The following HGS variants were observed in gnomAD, a reference collection of about 807,000 sequenced individuals.
HGS encodes human growth factor-regulated tyrosine kinase substrate.
Under a neutral mutation model 109.7 loss-of-function variants are expected in HGS, and 63 were observed. The ratio of observed to expected loss-of-function variants is 0.57; its 90% confidence interval spans 0.47 to 0.71. The LOEUF (loss-of-function observed/expected upper bound fraction) is 0.71. HGS is among the 30% of genes least tolerant of loss of function. The pLI, the probability that HGS is intolerant of heterozygous loss-of-function variation, is 0.00. For synonymous variants in HGS, 546 were observed against 437.3 expected (o/e 1.25, Z -3.10); for missense variants, 995 against 1,068.3 (o/e 0.93, Z 0.96).
chr17:81,686,817 A>T (rs898258882), intron 3 of HGS, among the ~76,000 whole-genome samples, 186 bp from the exon 4 acceptor site: 1 of 149,728 alleles, frequency 6.7e-6, no homozygotes, highest in South Asian at 2.1e-4. Flanking sequence ...CTGCTGTCCC[A>T]CCGGGTTCCC....
rs1007966477 is a variant in HGS, at chr17:81,691,326, G to A, written c.538-121G>A. 1.6e-6 allele frequency: 2 copies of A among 1,242,932 alleles called. No individual in the cohort carries two copies. The highest frequency in any genetic ancestry group is 2.3e-6 in the Non-Finnish European group (2 of 871,600). 77.0% of individuals were successfully genotyped at this position (1,242,932 alleles called of 1,614,324 possible). ...GTCTTCCCAGGCACTTGTTCTGCTT[G>A]TCCCTTGCCTTCCCCCACCTGTGAG... On this transcript the variant is annotated intron_variant, in intron 7 of 21. Transcript: ENST00000329138. This position sits in a 1 kb window ranked among gnomAD's most constrained non-coding sequence, Gnocchi z 5.3.
rs1301110908 is a variant in HGS at position 81,685,706 on chromosome 17, T to C, written c.122+17T>C. Reference sequence around the variant, plus strand: ...GGACACACAGTGAGTTAGCGGGGCCTGTGCCCTGATGCGGAGGAGCAGCCG... The same window carrying C: ...GGACACACAGTGAGTTAGCGGGGCCCGTGCCCTGATGCGGAGGAGCAGCCG... On this transcript the variant is annotated intron_variant, in intron 2 of 21. Coordinates refer to ENST00000329138, the MANE Select transcript of HGS (RefSeq NM_004712.5). 5 of 1,599,150 alleles carry C rather than the reference T, an allele frequency of 3.1e-6. No homozygotes were observed. In the South Asian group the frequency reaches 3.3e-5, roughly 11 times the overall value.
At chr17:81,686,596 T>G (rs542037499) in intron 3 of HGS, among the ~76,000 whole-genome samples, 1 of 151,460 alleles carries the variant, frequency 6.6e-6, no homozygotes, top group African/African-American at 2.4e-5. Context: ...GGGGAGGGAG[T>G]GGGCACCACT....
At chr17:81,688,999 C>T (rs1233593350) in intron 5 of HGS, among the ~76,000 whole-genome samples, 172 bp downstream of exon 5, 1 of 152,240 alleles carries the variant, frequency 6.6e-6, no homozygotes, top group Non-Finnish European at 1.5e-5. Context: ...CGGGTTCAGA[C>T]CGGCTCCTGC....
chr17:81,693,623 G>A lies in HGS; in HGVS notation c.742-31G>A, dbSNP rs774297225. On this transcript the variant is annotated intron_variant, in intron 9 of 21. Coordinates refer to ENST00000329138, the MANE Select transcript of HGS (RefSeq NM_004712.5). Reference sequence around the variant, plus strand: ...GTCCCGTGGGCACCTCTTCCCCGGCGCCCCCCCTCACCCTCCCCGCTTGTC... The same window carrying A: ...GTCCCGTGGGCACCTCTTCCCCGGCACCCCCCCTCACCCTCCCCGCTTGTC... The A allele has an allele frequency of 1.2e-4, 179 of 1,536,430 alleles. No homozygotes were observed. In the Middle Eastern group the frequency reaches 1.3e-3, roughly 11 times the overall value.
At position 81,688,779 on chromosome 17, in the gene HGS, C is replaced by T. The variant is rs1156766861; in HGVS notation, c.367C>T (p.Pro123Ser). The change falls in exon 5 of 22, where the codon CCC becomes TCC. Residue 123 changes from proline to serine, a missense_variant. Coordinates refer to ENST00000329138, the MANE Select transcript of HGS (RefSeq NM_004712.5). ...QAWAHAFRNE[P>S]KYKVVQDTYQ... ...CTGGGCGCATGCCTTCCGGAACGAGCCCAAGTACAAGGTGGTCCAGGACAC... is the reference window on the plus strand; with the variant it reads ...CTGGGCGCATGCCTTCCGGAACGAGTCCAAGTACAAGGTGGTCCAGGACAC... The T allele has an allele frequency of 1.2e-6, 2 of 1,614,060 alleles. No individual in the cohort carries two copies. Among genetic ancestry groups the T allele is most frequent in the Non-Finnish European group, 1.7e-6 (2 of 1,180,032 alleles).
chr17:81,689,896 C>CTCT lies in HGS; in HGVS notation c.416-286_416-285insTCT, dbSNP rs201568564. 8.8e-3 allele frequency among the ~76,000 whole-genome samples: 1,341 copies of CTCT among 152,298 alleles called. 13 individuals carry two copies. The highest frequency in any genetic ancestry group is 0.031 in the African/African-American group (1,278 of 41,552). On this transcript the variant is annotated intron_variant, in intron 5 of 21. Transcript: ENST00000329138. ...GCCAGAGAGCAGAGGGTGAGGGAGC[C>CTCT]ACTCAGCAGGCGGGGCCACGCAGGG...
chr17:81,690,118 G>A, intron 5 of HGS, 64 bp from the exon 6 acceptor site: 1 of 1,551,840 alleles, frequency 6.4e-7, no homozygotes, highest in South Asian at 1.1e-5. Flanking sequence ...GAGTGAGGAA[G>A]GGGCTCCCGG....
intron 1 of HGS, 49 bp downstream of exon 1, chr17:81,684,152 C>T (rs539712600): frequency 4.0e-5 from 58 of 1,447,336 alleles, no homozygotes; most frequent in South Asian, 3.2e-4. Context: ...CCGCAGCCTC[C>T]GCCCGGCGCT....
chr17:81,687,197 A>G, intron 4 of HGS, 102 bp downstream of exon 4: 1 of 789,164 alleles, frequency 1.3e-6, no homozygotes, highest in Non-Finnish European at 2.2e-6. Flanking sequence ...GGTGTGGCGG[A>G]AAATGTGCAG....
At chr17:81,687,539 A>G (rs1014023916) in intron 4 of HGS, among the ~76,000 whole-genome samples, 8 of 152,164 alleles carry the variant, frequency 5.3e-5, no homozygotes, top group Non-Finnish European at 7.4e-5. Context: ...GGGGCTTGTA[A>G]GATCGGATGT....
intron 8 of HGS, among the ~76,000 whole-genome samples, chr17:81,693,205 C>G (rs1037619298): frequency 6.6e-6 from 1 of 152,156 alleles, no homozygotes; most frequent in Non-Finnish European, 1.5e-5. Context: ...TGTTTGGTTT[C>G]CCGAGTGCCG....
At chr17:81,699,841 G>A (rs1227948292) in intron 18 of HGS, among the ~76,000 whole-genome samples, 6 of 151,992 alleles carry the variant, frequency 3.9e-5, no homozygotes, top group Non-Finnish European at 5.9e-5. Context: ...TCGGGAGGCC[G>A]AGGCGGGTGG....
In HGS at chr17:81,688,799, G is replaced by A; in HGVS notation, c.387G>A (p.Gln129=). ...FRNEPKYKVV[Q]DTYQIMKVEG... ...ACGAGCCCAAGTACAAGGTGGTCCA[G>A]GACACCTACCAGATCATGAAGGTGG... Residue 129 remains glutamine (Q), a synonymous_variant, in exon 5 of 22, where the codon CAG becomes CAA. Transcript: ENST00000329138. 1.9e-6 allele frequency: 3 copies of A among 1,614,178 alleles called. No homozygotes were observed. The highest frequency in any genetic ancestry group is 1.6e-4 in the Middle Eastern group (1 of 6,062).
intron 6 of HGS, 143 bp downstream of exon 6, chr17:81,690,377 G>A (rs1259806985): frequency 2.5e-5 from 22 of 870,700 alleles, no homozygotes; most frequent in East Asian, 2.2e-4. Flanking sequence ...TGTCCTGGGC[G>A]GAGGCGTAGC....
chr17:81,684,471 C>G (rs1425953337), intron 1 of HGS: 1 of 223,656 alleles, frequency 4.5e-6, no homozygotes, highest in Non-Finnish European at 8.7e-6. Flanking sequence ...GGATGTTAGG[C>G]TCGCACTTGG....
At chr17:81,700,316 C>T (rs2037215129) in intron 18 of HGS, 151 bp from the exon 19 acceptor site, 2 of 724,072 alleles carry the variant, frequency 2.8e-6, no homozygotes, top group Non-Finnish European at 4.2e-6. Flanking sequence ...TTGCAGTGAG[C>T]CAGGATTGTG....
chr17:81,687,910 C>T (rs1042708753), intron 4 of HGS, among the ~76,000 whole-genome samples: 2 of 152,208 alleles, frequency 1.3e-5, no homozygotes, highest in African/African-American at 2.4e-5. Context: ...CTTCCTGTCC[C>T]GTCCTGTCCT....
chr17:81,695,124 C>G (rs371227886), intron 13 of HGS, 40 bp from the exon 14 acceptor site: 2 of 1,613,294 alleles, frequency 1.2e-6, no homozygotes, highest in South Asian at 2.2e-5. Flanking sequence ...GGGGTGGATG[C>G]GGGACAGGTT....
Sources: allele counts gnomAD v4.1 joint callset (sites outside exome capture counted in the v4.1 genomes callset), GRCh38; gene constraint gnomAD v4.1.1; non-coding constraint Gnocchi (gnomAD v3.1); transcripts MANE v1.5; gene names NCBI Gene and HGNC (gene_info 2026-07-23, HGNC 2026-07-21).